Variants in PDZD2 observed in about 807,000 individuals in gnomAD.
The protein encoded by PDZD2 is PDZ domain-containing protein 2.
In PDZD2, 90 loss-of-function variants were observed where a neutral mutation model predicts 220.7. The ratio of observed to expected loss-of-function variants is 0.41; its 90% confidence interval spans 0.34 to 0.49. The LOEUF is 0.49. Among genes scored for constraint, PDZD2 ranks in the 20% least tolerant of loss-of-function variants. The pLI is 0.28. For missense variants in PDZD2, 3,174 were observed against 3,608.5 expected (o/e 0.88, Z 3.08); for synonymous variants, 1,375 against 1,450.5 (o/e 0.95, Z 1.18).
chr5:31,979,111 C>T (rs1750046275), intron 2 of PDZD2, among the ~76,000 whole-genome samples: 1 of 152,124 alleles, frequency 6.6e-6, no homozygotes, highest in African/African-American at 2.4e-5. Context: ...CTTTTTGGTA[C>T]TGAAAAGGTC....
intron 2 of PDZD2, among the ~76,000 whole-genome samples, chr5:31,943,659 C>T (rs555497126): frequency 1.3e-5 from 2 of 152,306 alleles, no homozygotes; most frequent in South Asian, 4.1e-4. Context: ...AAGAAGCCGA[C>T]GAGGCAAATG....
intron 6 of PDZD2, among the ~76,000 whole-genome samples, chr5:32,028,077 A>G (rs1754813787): frequency 6.6e-6 from 1 of 152,114 alleles, no homozygotes; most frequent in African/African-American, 2.4e-5. Context: ...GAACCATAAA[A>G]ACATGGTGAG....
intron 1 of PDZD2, among the ~76,000 whole-genome samples, chr5:31,692,163 A>G (rs903671254): frequency 6.6e-6 from 1 of 152,346 alleles, no homozygotes; most frequent in Admixed American, 6.5e-5. Flanking sequence ...GCTCGCGGGA[A>G]GGCAGCTAAG....
intron 7 of PDZD2, among the ~76,000 whole-genome samples, chr5:32,039,305 CCG>C (rs1370434360): frequency 2.0e-5 from 3 of 151,872 alleles, no homozygotes; most frequent in Non-Finnish European, 4.4e-5. Flanking sequence ...CGGGGTTTCG[CCG>C]CGTTGACCGG....
At chr5:31,649,807 G>A (rs1245833948) in intron 1 of PDZD2, among the ~76,000 whole-genome samples, 2 of 151,676 alleles carry the variant, frequency 1.3e-5, no homozygotes, top group Non-Finnish European at 2.9e-5. Flanking sequence ...GCATGGTGGC[G>A]CGCGCCTATA....
intron 10 of PDZD2, 32 bp downstream of exon 10, chr5:32,053,915 A>G: frequency 1.7e-6 from 2 of 1,201,290 alleles, no homozygotes; most frequent in Non-Finnish European, 1.2e-6. Flanking sequence ...CCTCAGTGAC[A>G]GTGACTTTGA....
intron 2 of PDZD2, among the ~76,000 whole-genome samples, chr5:31,955,976 G>A (rs1747637731): frequency 6.6e-6 from 1 of 151,946 alleles, no homozygotes; most frequent in Admixed American, 6.6e-5. Flanking sequence ...TACCATTGTG[G>A]TTGGAAGAGA....
At chr5:32,028,713 G>A (rs1056922737) in intron 6 of PDZD2, among the ~76,000 whole-genome samples, 6 of 131,872 alleles carry the variant, frequency 4.5e-5, no homozygotes, top group African/African-American at 1.7e-4. Context: ...ACAGAGTCTC[G>A]CTCTTGTTGC....
At chr5:31,857,317 C>G (rs1320943056) in intron 2 of PDZD2, among the ~76,000 whole-genome samples, 3 of 152,326 alleles carry the variant, frequency 2.0e-5, no homozygotes, top group Middle Eastern at 3.4e-3. Context: ...GGGGTCTCCT[C>G]TCACTGTTAT....
intron 2 of PDZD2, among the ~76,000 whole-genome samples, chr5:31,853,703 G>C (rs1758192279): frequency 6.6e-6 from 1 of 152,110 alleles, no homozygotes; most frequent in Non-Finnish European, 1.5e-5. Context: ...AGATCTGTCC[G>C]TTGCAAAGCT....
chr5:31,926,134 C>G (rs990607767), intron 2 of PDZD2, among the ~76,000 whole-genome samples: 6 of 151,780 alleles, frequency 4.0e-5, no homozygotes, highest in Non-Finnish European at 8.8e-5. Flanking sequence ...GGCAGGGGAT[C>G]CCTTGAGCCC....
At chr5:31,944,126 G>T (rs1259802424) in intron 2 of PDZD2, among the ~76,000 whole-genome samples, 4 of 152,118 alleles carry the variant, frequency 2.6e-5, no homozygotes, top group Non-Finnish European at 5.9e-5. Flanking sequence ...TTAGGGTATT[G>T]TTTTTCCAGA....
chr5:31,969,243 A>G (rs952680880), intron 2 of PDZD2, among the ~76,000 whole-genome samples: 5 of 152,122 alleles, frequency 3.3e-5, no homozygotes, highest in Non-Finnish European at 7.3e-5. Context: ...ACGATGGCTC[A>G]TGCCTGTAAT....
chr5:32,019,565 G>A (rs1754033910), intron 6 of PDZD2, among the ~76,000 whole-genome samples: 1 of 152,218 alleles, frequency 6.6e-6, no homozygotes. Context: ...ATAGTAGAAT[G>A]TATGTAGGTC....
chr5:32,080,347 C>CAAAAAAAA (rs35491724), intron 19 of PDZD2, among the ~76,000 whole-genome samples: 1 of 54,276 alleles, frequency 1.8e-5, no homozygotes, highest in Non-Finnish European at 3.3e-5. Context: ...GACTCCATCT[C>CAAAAAAAA]AAAAAAAAAA....
At chr5:31,782,993 C>T (rs899422300) in intron 1 of PDZD2, among the ~76,000 whole-genome samples, 23 of 152,030 alleles carry the variant, frequency 1.5e-4, no homozygotes, top group East Asian at 9.7e-4. Context: ...GGATTACAGG[C>T]GTGAGCCACC....
At chr5:31,961,896 A>G (rs1748268174) in intron 2 of PDZD2, among the ~76,000 whole-genome samples, 1 of 150,300 alleles carries the variant, frequency 6.7e-6, no homozygotes, top group Admixed American at 6.8e-5. Context: ...GATTACAGGC[A>G]GGAACCACCA....
At chr5:31,751,334 TC>T (rs1462459718) in intron 1 of PDZD2, among the ~76,000 whole-genome samples, 4 of 150,640 alleles carry the variant, frequency 2.7e-5, no homozygotes, top group African/African-American at 9.8e-5. Flanking sequence ...AGCAAGGAGA[TC>T]AGTTAAGAGG....
chr5:31,789,786 C>T (rs1580759793), intron 1 of PDZD2, among the ~76,000 whole-genome samples: 1 of 151,956 alleles, frequency 6.6e-6, no homozygotes, highest in African/African-American at 2.4e-5. Context: ...GGTGTGGTGG[C>T]GGGCGCCTGT....
Sources: allele counts gnomAD v4.1 joint callset (sites outside exome capture counted in the v4.1 genomes callset), GRCh38; gene constraint gnomAD v4.1.1; transcripts MANE v1.5; gene names NCBI Gene and HGNC (gene_info 2026-07-23, HGNC 2026-07-21).